The following LRP1B variants were observed in gnomAD, a reference collection of about 807,000 sequenced individuals.
LRP1B encodes LDL receptor related protein 1B.
In LRP1B, 217 loss-of-function variants were observed where a neutral mutation model predicts 556.6. That is an observed-to-expected ratio of 0.39 (90% CI 0.35 to 0.44). LRP1B has a LOEUF of 0.44. Among genes scored for constraint, LRP1B ranks in the 20% least tolerant of loss-of-function variants. The probability of loss-of-function intolerance (pLI) is 1.00; values close to 1 mark genes in which losing one functional copy is unlikely to be tolerated. For synonymous variants in LRP1B, 2,047 were observed against 1,865.8 expected (o/e 1.10, Z -2.50); for missense variants, 5,053 against 5,620.8 (o/e 0.90, Z 3.23).
At chr2:141,526,748 A>G (rs1297884539) in intron 2 of LRP1B, among the ~76,000 whole-genome samples, 1 of 152,078 alleles carries the variant, frequency 6.6e-6, no homozygotes, top group Non-Finnish European at 1.5e-5. Context: ...GTAAGAATAA[A>G]TCACCACTAC....
intron 35 of LRP1B, among the ~76,000 whole-genome samples, chr2:140,719,945 T>C (rs977541049): frequency 2.2e-4 from 33 of 152,070 alleles, no homozygotes; most frequent in Admixed American, 2.1e-3. Flanking sequence ...ACATGTTTTC[T>C]AATATCTTGG....
intron 31 of LRP1B, among the ~76,000 whole-genome samples, chr2:140,815,577 G>A (rs921313840): frequency 1.3e-5 from 2 of 152,122 alleles, no homozygotes; most frequent in Non-Finnish European, 1.5e-5. Context: ...GGTAGTGACT[G>A]GCCACAGGGC....
chr2:141,335,024 T>A (rs551013112), intron 3 of LRP1B, among the ~76,000 whole-genome samples: 1 of 152,360 alleles, frequency 6.6e-6, no homozygotes, highest in East Asian at 1.9e-4. Flanking sequence ...AGACACTGAA[T>A]AAGACACATT....
At chr2:141,642,589 G>T (rs940925190) in intron 2 of LRP1B, among the ~76,000 whole-genome samples, 6 of 152,022 alleles carry the variant, frequency 3.9e-5, no homozygotes, top group African/African-American at 1.2e-4. Context: ...ATATTTTCTT[G>T]GTAGCACAAT....
At chr2:141,908,974 G>A (rs919629830) in intron 1 of LRP1B, among the ~76,000 whole-genome samples, 8 of 152,036 alleles carry the variant, frequency 5.3e-5, no homozygotes, top group Non-Finnish European at 1.0e-4. Flanking sequence ...TGGCAGTTAC[G>A]GTAGCCATGG....
chr2:141,048,189 A>G (rs972851497), intron 11 of LRP1B, among the ~76,000 whole-genome samples: 5 of 152,146 alleles, frequency 3.3e-5, no homozygotes, highest in Non-Finnish European at 7.4e-5. Flanking sequence ...TGTATTTCTA[A>G]AATATTCAAG....
chr2:142,108,797 C>T (rs1386301101), intron 1 of LRP1B, among the ~76,000 whole-genome samples: 4 of 152,200 alleles, frequency 2.6e-5, no homozygotes, highest in Admixed American at 6.5e-5. Context: ...CTATCACTTA[C>T]GATTATCTTA....
chr2:141,516,615 A>G (rs1684319997), intron 2 of LRP1B, among the ~76,000 whole-genome samples: 1 of 151,552 alleles, frequency 6.6e-6, no homozygotes, highest in African/African-American at 2.4e-5. Flanking sequence ...TGATTGCACC[A>G]CTGTACCCCA....
chr2:140,540,735 T>C (rs561430772), intron 45 of LRP1B, among the ~76,000 whole-genome samples: 1 of 121,840 alleles, frequency 8.2e-6, no homozygotes, highest in Admixed American at 7.9e-5. Context: ...CAGCACTTTC[T>C]AGTGCACAAC....
At chr2:141,510,846 C>A (rs1684101360) in intron 2 of LRP1B, among the ~76,000 whole-genome samples, 1 of 151,144 alleles carries the variant, frequency 6.6e-6, no homozygotes, top group African/African-American at 2.4e-5. Flanking sequence ...ATTATCCCAT[C>A]TTTCCCCTTG....
At chr2:141,915,082 T>C (rs1454317683) in intron 1 of LRP1B, among the ~76,000 whole-genome samples, 1 of 152,084 alleles carries the variant, frequency 6.6e-6, no homozygotes, top group African/African-American at 2.4e-5. Context: ...AGGCATCACA[T>C]TGCCTGACTT....
At chr2:141,263,059 A>T (rs1402249169) in intron 3 of LRP1B, among the ~76,000 whole-genome samples, 1 of 151,848 alleles carries the variant, frequency 6.6e-6, no homozygotes. Context: ...TTAATTTTTT[A>T]AATTTTTCAT....
intron 35 of LRP1B, among the ~76,000 whole-genome samples, chr2:140,746,441 G>C (rs1050201968): frequency 1.3e-5 from 2 of 151,996 alleles, no homozygotes; most frequent in African/African-American, 4.8e-5. Context: ...AGCTTAAATA[G>C]GTAGATGGTT....
At chr2:141,636,555 T>C (rs1689114752) in intron 2 of LRP1B, among the ~76,000 whole-genome samples, 1 of 152,172 alleles carries the variant, frequency 6.6e-6, no homozygotes. Context: ...TATGTAATTT[T>C]TTTGGCACAG....
chr2:140,477,450 A>C (rs1688020444), intron 59 of LRP1B, among the ~76,000 whole-genome samples: 1 of 152,158 alleles, frequency 6.6e-6, no homozygotes, highest in Admixed American at 6.5e-5. Flanking sequence ...TTAATCAGAG[A>C]GTGCCATCAT....
Position 140,666,448 on chromosome 2 carries a change from T to C in LRP1B, c.6799+33802A>G, listed in dbSNP as rs183717966. ...AGTACTGAAACTCCTCTGTCTTATG[T>C]AGTTCACTTATAAGCCAAAGAGTAA... On this transcript the variant is annotated intron_variant, in intron 41 of 90. Coordinates refer to ENST00000389484, the MANE Select transcript of LRP1B (RefSeq NM_018557.3). Among the ~76,000 whole-genome samples the C allele has an allele frequency of 4.9e-3, 743 of 152,168 alleles. 6 individuals are homozygous for C. The highest frequency in any genetic ancestry group is 5.3e-3 in the Non-Finnish European group (358 of 68,002).
chr2:141,089,837 A>G (rs1700134044), intron 7 of LRP1B, among the ~76,000 whole-genome samples: 1 of 152,238 alleles, frequency 6.6e-6, no homozygotes, highest in African/African-American at 2.4e-5. Flanking sequence ...TCGCCAAAGA[A>G]GAATAGGTGC....
intron 63 of LRP1B, among the ~76,000 whole-genome samples, chr2:140,449,137 A>G (rs1686784418): frequency 6.6e-6 from 1 of 152,132 alleles, no homozygotes; most frequent in Non-Finnish European, 1.5e-5. Context: ...GCTGCAGGTC[A>G]TTATAGTGAA....
intron 1 of LRP1B, among the ~76,000 whole-genome samples, chr2:141,879,944 T>C (rs1235365404): frequency 6.6e-6 from 1 of 150,626 alleles, no homozygotes; most frequent in Non-Finnish European, 1.5e-5. Context: ...CCTGGACATA[T>C]ACATATGAAC....
Sources: allele counts gnomAD v4.1 joint callset (sites outside exome capture counted in the v4.1 genomes callset), GRCh38; gene constraint gnomAD v4.1.1; transcripts MANE v1.5; gene names NCBI Gene and HGNC (gene_info 2026-07-23, HGNC 2026-07-21).